Variants in DTYMK observed in about 807,000 individuals in gnomAD.
The protein encoded by DTYMK is thymidylate kinase.
Under a neutral mutation model 20.3 loss-of-function variants are expected in DTYMK, and 20 were observed. The observed-to-expected ratio is 0.99, with a 90% CI of 0.69 to 1.43. DTYMK has a LOEUF of 1.43. DTYMK is among the 40% of genes most tolerant of loss of function. DTYMK has a pLI of 0.00. For synonymous variants in DTYMK, 148 were observed against 124.4 expected (o/e 1.19, Z -1.27); for missense variants, 320 against 291.1 (o/e 1.10, Z -0.72).
intron 2 of DTYMK, chr2:241,681,915 G>A (rs1403254355): frequency 8.3e-5 from 16 of 193,830 alleles, no homozygotes; most frequent in African/African-American, 1.7e-4. Flanking sequence ...ATAGTGGCAC[G>A]CACCTGTAGT....
intron 2 of DTYMK, among the ~76,000 whole-genome samples, chr2:241,680,821 C>T (rs2069241614): frequency 6.6e-6 from 1 of 152,158 alleles, no homozygotes; most frequent in African/African-American, 2.4e-5. Context: ...CCAGCAAAAC[C>T]CAACATGGAG....
intron 3 of DTYMK, 41 bp downstream of exon 3, chr2:241,680,188 C>T (rs777031408): frequency 1.2e-6 from 2 of 1,606,076 alleles, no homozygotes; most frequent in Admixed American, 1.7e-5. Context: ...CCTGGGTCCA[C>T]ACATCTGTGC....
At position 241,680,442 on chromosome 2, in the gene DTYMK, T is replaced by TGAGGCGG. The variant is rs571223576; in HGVS notation, c.240-130_240-124dup. The TGAGGCGG allele has an allele frequency of 2.7e-4, 267 of 989,580 alleles. 2 individuals are homozygous for TGAGGCGG. The East Asian group carries it at 4.9e-3, about 18-fold the overall frequency. The allele number at this position is 989,580 out of a possible 1,614,324, so 61.3% of individuals were successfully genotyped here. ...CTATAATCCCAGCGCTTTGGGAGGC[T>TGAGGCGG]GAGGCGGGCGGATCACAAGGTCAGG... On this transcript the variant is annotated intron_variant, in intron 2 of 4. Coordinates refer to ENST00000305784, the MANE Select transcript of DTYMK (RefSeq NM_012145.4).
chr2:241,680,273 C>T lies in DTYMK; in HGVS notation c.286G>A (p.Asp96Asn), dbSNP rs1305220034. ...GCCACACCAGAAAATGCGTATCTGT[C>T]CACGACGAGGGTCACGCCCTGGCTC... is the stretch of plus-strand genomic sequence containing the variant. ...KLSQGVTLVV[D>N]RYAFSGVAFT... is the part of the protein sequence containing the mutation. Residue 96 changes from aspartate to asparagine, a missense_variant, in exon 3 of 5, where the codon GAC (aspartate) becomes AAC (asparagine). Coordinates refer to ENST00000305784, the MANE Select transcript of DTYMK (RefSeq NM_012145.4). The T allele has an allele frequency of 3.1e-6, 5 of 1,614,066 alleles. No individual in the cohort carries two copies. Among genetic ancestry groups the T allele is most frequent in the Non-Finnish European group, 3.4e-6 (4 of 1,180,042 alleles).
intron 2 of DTYMK, chr2:241,685,199 TTAAA>T (rs2069354939): frequency 1.3e-5 from 2 of 150,422 alleles, no homozygotes; most frequent in Non-Finnish European, 2.9e-5. Context: ...ATACCTTGTC[TTAAA>T]AATAAAAAAA....
chr2:241,685,547 T>C (rs773754045), intron 2 of DTYMK: 52 of 415,990 alleles, frequency 1.3e-4, no homozygotes, highest in Non-Finnish European at 2.0e-4. Context: ...AACTGAAGTC[T>C]ATTAGTTATG....
chr2:241,685,904 T>C (rs1441849522), intron 1 of DTYMK, 27 bp from the exon 2 acceptor site: 1 of 1,607,032 alleles, frequency 6.2e-7, no homozygotes, highest in Non-Finnish European at 8.5e-7. Context: ...ACACACAAAA[T>C]GCAAGTGAGA....
At chr2:241,679,706 T>C (rs2069195911) in intron 3 of DTYMK, among the ~76,000 whole-genome samples, 1 of 152,072 alleles carries the variant, frequency 6.6e-6, no homozygotes, top group Non-Finnish European at 1.5e-5. Context: ...CAGTGGCTCA[T>C]GCCTGTAATC....
intron 2 of DTYMK, among the ~76,000 whole-genome samples, chr2:241,684,125 A>G (rs1018815598): frequency 6.6e-6 from 1 of 152,200 alleles, no homozygotes; most frequent in African/African-American, 2.4e-5. Context: ...GGAAACTTAA[A>G]TATCTATTAG....
intron 2 of DTYMK, among the ~76,000 whole-genome samples, chr2:241,684,327 G>C (rs1453568293): frequency 6.6e-6 from 1 of 152,202 alleles, no homozygotes; most frequent in African/African-American, 2.4e-5. Flanking sequence ...ATAAATTCTA[G>C]ATGTGTTAAA....
At chr2:241,681,016 A>G (rs1348472418) in intron 2 of DTYMK, among the ~76,000 whole-genome samples, 1 of 152,192 alleles carries the variant, frequency 6.6e-6, no homozygotes, top group Admixed American at 6.5e-5. Flanking sequence ...GCGTGGGCAC[A>G]GCCAGCAGGT....
chr2:241,686,590 A>C, intron 1 of DTYMK, 64 bp downstream of exon 1: 1 of 1,423,352 alleles, frequency 7.0e-7, no homozygotes, highest in Non-Finnish European at 9.1e-7. Flanking sequence ...GAAGCGGAGC[A>C]AAGAGCCCCT....
chr2:241,677,972 C>T (rs907575806), intron 4 of DTYMK, among the ~76,000 whole-genome samples: 5 of 152,178 alleles, frequency 3.3e-5, no homozygotes, highest in African/African-American at 9.7e-5. Context: ...CAAAACTCAT[C>T]GGGTTAGAAT....
chr2:241,678,774 G>T, intron 3 of DTYMK, 125 bp from the exon 4 acceptor site: 1 of 1,100,738 alleles, frequency 9.1e-7, no homozygotes, highest in Non-Finnish European at 1.3e-6. Context: ...TGTTTATATT[G>T]TGGCTCGTTT....
chr2:241,677,382 A>C (rs1016044580), intron 4 of DTYMK, among the ~76,000 whole-genome samples: 4 of 152,216 alleles, frequency 2.6e-5, no homozygotes, highest in Non-Finnish European at 4.4e-5. Context: ...GCACTGCCAG[A>C]AAAGGGCACT....
At position 241,678,906 on chromosome 2, in the gene DTYMK, C is replaced by T. The variant is rs150619009; in HGVS notation, c.331-257G>A. Among the ~76,000 whole-genome samples the T allele has an allele frequency of 3.4e-3, 512 of 152,360 alleles. 10 individuals are homozygous for T. In the East Asian group the frequency reaches 0.058, roughly 17 times the overall value. ...GCTGCCAGTCCCCGCCACCCACAGC[C>T]CAGGCCCCATGGAGGCCCTCCCAGC... On this transcript the variant is annotated intron_variant, in intron 3 of 4. Transcript: ENST00000305784.
chr2:241,685,742 G>A, intron 2 of DTYMK, 27 bp downstream of exon 2: 2 of 1,603,772 alleles, frequency 1.2e-6, no homozygotes, highest in South Asian at 2.2e-5. Context: ...GGCAAGGGCA[G>A]AGGGAGCAGT....
At chr2:241,685,684 A>G (rs2069373648) in intron 2 of DTYMK, 85 bp downstream of exon 2, 2 of 1,403,470 alleles carry the variant, frequency 1.4e-6, no homozygotes, top group Admixed American at 1.7e-5. Context: ...TGTCACTGTC[A>G]TTCAGAATCG....
chr2:241,685,585 G>T (rs563840526), intron 2 of DTYMK, 184 bp downstream of exon 2: 13 of 557,374 alleles, frequency 2.3e-5, no homozygotes, highest in Non-Finnish European at 4.1e-5. Flanking sequence ...GGACGAAACA[G>T]CATTCATTAG....
Sources: gnomAD v4.1 joint callset for allele counts (sites outside exome capture counted in the v4.1 genomes callset) on GRCh38, gnomAD v4.1.1 for gene constraint, MANE v1.5 for transcripts, NCBI Gene and HGNC (gene_info 2026-07-23, HGNC 2026-07-21) for gene names.